RBFOX1: variants seen among roughly 807,000 people sequenced by gnomAD.
RBFOX1 encodes RNA binding fox-1 homolog 1.
In RBFOX1, 8 loss-of-function variants were observed where a neutral mutation model predicts 57.7. That is an observed-to-expected ratio of 0.14 (90% CI 0.08 to 0.25). RBFOX1 has a LOEUF of 0.25. RBFOX1 is among the 10% of genes least tolerant of loss of function. RBFOX1 has a pLI of 1.00. For synonymous variants in RBFOX1, 326 were observed against 222.4 expected (o/e 1.47, Z -4.15); for missense variants, 611 against 548.5 (o/e 1.11, Z -1.14).
intron 3 of RBFOX1, among the ~76,000 whole-genome samples, chr16:6,872,598 A>C (rs990129829): frequency 6.6e-6 from 1 of 152,124 alleles, no homozygotes; most frequent in Non-Finnish European, 1.5e-5. Context: ...GCAACAAAAC[A>C]CCCAATTAAT....
At position 5,785,419 on chromosome 16, in the gene RBFOX1, C is replaced by T. The variant is rs2054465961; in HGVS notation, c.319-81884C>T. 3.3e-5 allele frequency among the ~76,000 whole-genome samples: 5 copies of T among 152,250 alleles called. No individual in the cohort carries two copies. In the South Asian group the frequency reaches 1.0e-3, roughly 32 times the overall value. On this transcript the variant is annotated intron_variant, in intron 3 of 19. Transcript: ENST00000641259. ...AAATGAAGCTACTTTGTTTCCAAGG[C>T]CCCACCGCCATCCTTGACGATCCTT...
At chr16:7,532,882 G>A (rs1601100543) in intron 5 of RBFOX1, among the ~76,000 whole-genome samples, 2 of 152,300 alleles carry the variant, frequency 1.3e-5, no homozygotes, top group African/African-American at 4.8e-5. Flanking sequence ...GGCAACCCCC[G>A]ATCTAGGCCA....
intron 4 of RBFOX1, among the ~76,000 whole-genome samples, chr16:7,178,670 A>C (rs2082123492): frequency 6.6e-6 from 1 of 152,150 alleles, no homozygotes; most frequent in South Asian, 2.1e-4. Flanking sequence ...CTTTTACTTT[A>C]TTATACTCTT....
chr16:5,898,781 T>C (rs1003588626), intron 4 of RBFOX1, among the ~76,000 whole-genome samples: 5 of 151,852 alleles, frequency 3.3e-5, no homozygotes, highest in African/African-American at 1.2e-4. Context: ...AGCTACTGGT[T>C]GCACACAGTG....
At chr16:6,428,369 G>A (rs1384425610) in intron 2 of RBFOX1, among the ~76,000 whole-genome samples, 1 of 149,586 alleles carries the variant, frequency 6.7e-6, no homozygotes, top group African/African-American at 2.5e-5. Context: ...TTATTATTAA[G>A]TTCATGTACT....
intron 3 of RBFOX1, among the ~76,000 whole-genome samples, chr16:6,976,085 C>G (rs187793961): frequency 1.3e-5 from 2 of 152,208 alleles, no homozygotes; most frequent in Non-Finnish European, 2.9e-5. Context: ...CAAGATCGTC[C>G]CACTGCAGTT....
chr16:5,648,383 C>A (rs373859243), intron 3 of RBFOX1, among the ~76,000 whole-genome samples: 1 of 152,136 alleles, frequency 6.6e-6, no homozygotes, highest in Non-Finnish European at 1.5e-5. Context: ...TGAAGGACTG[C>A]GCAGGTGTGG....
At chr16:6,431,763 C>G (rs891552393) in intron 2 of RBFOX1, among the ~76,000 whole-genome samples, 3 of 152,008 alleles carry the variant, frequency 2.0e-5, no homozygotes, top group Admixed American at 6.6e-5. Context: ...AGCTTTGTGA[C>G]TTGGAGCAAA....
chr16:7,183,577 T>C (rs998047338), intron 4 of RBFOX1, among the ~76,000 whole-genome samples: 1 of 151,674 alleles, frequency 6.6e-6, no homozygotes, highest in Non-Finnish European at 1.5e-5. Context: ...TGCTTGCACA[T>C]GTGTGTATTT....
intron 1 of RBFOX1, among the ~76,000 whole-genome samples, chr16:6,129,829 T>C (rs1597590410): frequency 6.6e-6 from 1 of 150,536 alleles, no homozygotes; most frequent in East Asian, 1.9e-4. Context: ...GTACAAACAG[T>C]AACTGATTTC....
chr16:6,547,386 A>T (rs910769439), intron 2 of RBFOX1, among the ~76,000 whole-genome samples: 1 of 152,224 alleles, frequency 6.6e-6, no homozygotes, highest in Non-Finnish European at 1.5e-5. Context: ...ATTAACTAAG[A>T]AACTGGTAAT....
intron 3 of RBFOX1, among the ~76,000 whole-genome samples, chr16:6,738,107 C>G (rs976542565): frequency 6.7e-6 from 1 of 149,742 alleles, no homozygotes; most frequent in Non-Finnish European, 1.5e-5. Flanking sequence ...AGGCATTTTC[C>G]TCTTGTCAAG....
rs373279671 is a variant in RBFOX1 at position 6,816,708 on chromosome 16, C to G, written c.-16+162058C>G. Among the ~76,000 whole-genome samples the G allele has an allele frequency of 1.0e-4, 15 of 145,840 alleles. 1 individual carries two copies. The highest frequency in any genetic ancestry group is 3.8e-4 in the African/African-American group (15 of 39,488). ...TGAGCTGAGACTGCACCACTGCACT[C>G]CAGCCTGGGTGACAGAGCAAGACTG... is the stretch of plus-strand genomic sequence containing the variant. On this transcript the variant is annotated intron_variant, in intron 3 of 15. Coordinates refer to ENST00000550418, the MANE Select transcript of RBFOX1 (RefSeq NM_018723.4).
chr16:6,934,593 G>A (rs1469710819), intron 3 of RBFOX1, among the ~76,000 whole-genome samples: 1 of 152,176 alleles, frequency 6.6e-6, no homozygotes, highest in Non-Finnish European at 1.5e-5. Context: ...GTCATTTGCA[G>A]CAGCACAGAT....
At chr16:6,051,732 T>G (rs774679303) in intron 1 of RBFOX1, among the ~76,000 whole-genome samples, 8 of 152,152 alleles carry the variant, frequency 5.3e-5, no homozygotes, top group Non-Finnish European at 1.2e-4. Context: ...CCCAGCTAAT[T>G]TTTGTACTTT....
intron 3 of RBFOX1, among the ~76,000 whole-genome samples, chr16:5,767,657 T>A (rs2053834874): frequency 6.6e-6 from 1 of 152,158 alleles, no homozygotes; most frequent in Non-Finnish European, 1.5e-5. Context: ...TGTCTTCCCC[T>A]TGGTATTTAT....
chr16:6,694,143 A>G (rs1300102635), intron 3 of RBFOX1, among the ~76,000 whole-genome samples: 1 of 152,208 alleles, frequency 6.6e-6, no homozygotes, highest in East Asian at 1.9e-4. Context: ...CCTCATCATG[A>G]CTCTGCCAAC....
intron 2 of RBFOX1, among the ~76,000 whole-genome samples, chr16:6,424,605 C>CTGTGTGTGTGTG (rs1228638690): frequency 5.6e-4 from 8 of 14,288 alleles, no homozygotes; most frequent in African/African-American, 1.7e-3. Flanking sequence ...CTTAAGAGCA[C>CTGTGTGTGTGTG]TGTGTGTGTG....
At chr16:5,821,520 G>A (rs888968908) in intron 3 of RBFOX1, among the ~76,000 whole-genome samples, 3 of 152,036 alleles carry the variant, frequency 2.0e-5, no homozygotes, top group East Asian at 1.9e-4. Flanking sequence ...TCAGGCTTGT[G>A]TCCAGCTCCT....
Sources: allele counts gnomAD v4.1 joint callset (sites outside exome capture counted in the v4.1 genomes callset), GRCh38; gene constraint gnomAD v4.1.1; transcripts MANE v1.5; gene names NCBI Gene and HGNC (gene_info 2026-07-23, HGNC 2026-07-21).